MED23: variants seen among roughly 807,000 people sequenced by gnomAD.
The protein encoded by MED23 is mediator of RNA polymerase II transcription subunit 23.
A neutral mutation model predicts 163.9 loss-of-function variants in MED23; 105 were observed. The ratio of observed to expected loss-of-function variants is 0.64; its 90% confidence interval spans 0.55 to 0.75. The LOEUF (loss-of-function observed/expected upper bound fraction) is 0.75. MED23 is among the 30% of genes least tolerant of loss of function. The pLI, the probability that MED23 is intolerant of heterozygous loss-of-function variation, is 0.00. For synonymous variants in MED23, 561 were observed against 565.6 expected, an observed-to-expected ratio of 0.99 and a Z score of 0.12; for missense variants, 1,054 against 1,649.0, an observed-to-expected ratio of 0.64 and a Z score of 6.25.
In MED23 at chr6:131,596,037, T is replaced by C; in HGVS notation, c.2905A>G (p.Ile969Val). Residue 969 changes from isoleucine to valine, a missense_variant, in exon 22 of 29, where the codon ATA becomes GTA. Ile to Val is a conservative substitution (Grantham distance 29). This residue lies in a region of MED23 where 228 missense variants were observed against 461.3 expected (regional missense o/e 0.49). Coordinates refer to ENST00000368068, the MANE Select transcript of MED23 (RefSeq NM_004830.4). ...AACTCTAAAAATCTGTGGATTACTA[T>C]ATCAAATACTGGAAGGAATCGAAGA... ...VCLRFLPVFD[I>V]VIHRFLELLP... The C allele has an allele frequency of 3.1e-6, 5 of 1,613,994 alleles. No individual in the cohort carries two copies. The highest frequency in any genetic ancestry group is 4.2e-6 in the Non-Finnish European group (5 of 1,179,956).
intron 2 of MED23, 28 bp from the exon 3 acceptor site, chr6:131,627,511 T>C (rs369616177): frequency 6.2e-7 from 1 of 1,602,636 alleles, no homozygotes; most frequent in African/African-American, 1.3e-5. Context: ...ACATTATTTG[T>C]CATTCGTTTT....
In MED23 at chr6:131,587,437, A is replaced by G. The variant is rs1032435426; in HGVS notation, c.*242T>C. The G allele has an allele frequency of 1.5e-6, 2 of 1,343,136 alleles. No homozygotes were observed. The highest frequency in any genetic ancestry group is 3.2e-5 in the Admixed American group (1 of 31,036). The allele number at this position is 1,343,136 out of a possible 1,614,324, so 83.2% of individuals were successfully genotyped here. On this transcript the variant is annotated 3_prime_UTR_variant, in exon 29 of 29. Coordinates refer to ENST00000368068, the MANE Select transcript of MED23 (RefSeq NM_004830.4). ...ACCTCTATGTTCCTACATAGCTCTA[A>G]TAAGTTGTTATGAATATGAACAACA... is the stretch of plus-strand genomic sequence containing the variant.
chr6:131,616,945 C>T (rs1776735840), intron 9 of MED23, among the ~76,000 whole-genome samples: 1 of 152,030 alleles, frequency 6.6e-6, no homozygotes, highest in Non-Finnish European at 1.5e-5. Flanking sequence ...CCAATCAATT[C>T]CCTATTTTCC....
At chr6:131,584,367 C>T (rs1382225746), downstream of MED23, 19 of 147,090 alleles carry the variant, frequency 1.3e-4, no homozygotes, top group South Asian at 1.0e-3. Context: ...ACATGCAACA[C>T]ACACACACAC....
In MED23 at chr6:131,599,999, T is replaced by G. The variant is rs370952319; in HGVS notation, c.2220+39A>C. 4.3e-6 allele frequency: 7 copies of G among 1,610,586 alleles called. No homozygotes were observed. In the South Asian group the frequency reaches 7.7e-5, roughly 18 times the overall value. ...ACACCATTGTGAATGGGAAGAAGGA[T>G]TTCATGTGCATTCAATAAGTAATTC... On this transcript the variant is annotated intron_variant, in intron 18 of 28. Transcript: ENST00000368068.
At chr6:131,589,363 G>C in intron 28 of MED23, 102 bp downstream of exon 28, 1 of 1,176,726 alleles carries the variant, frequency 8.5e-7, no homozygotes. Context: ...GAAAAAATTA[G>C]ACAAAATAAA....
downstream of MED23, chr6:131,582,627 G>C: frequency 3.1e-6 from 5 of 1,613,288 alleles, no homozygotes; most frequent in Non-Finnish European, 4.2e-6. Context: ...TTAGATTCCC[G>C]ATGTGCCAGG....
chr6:131,603,150 AGTGT>A lies in MED23; in HGVS notation c.1807_1810del (p.Thr603SerfsTer21). ...CATCCGGTAGCTAAACATCTCAAGG[AGTGT>A]GTGTAAGATCCCCCATGCATGTGAT... On this transcript the variant is annotated frameshift_variant, in exon 16 of 29. Transcript: ENST00000368068. LOFTEE classifies it high-confidence loss of function. The A allele has an allele frequency of 6.2e-7, 1 of 1,613,978 alleles. No individual in the cohort carries two copies.
At chr6:131,610,477 A>T (rs958235697) in intron 10 of MED23, among the ~76,000 whole-genome samples, 1 of 152,220 alleles carries the variant, frequency 6.6e-6, no homozygotes, top group African/African-American at 2.4e-5. Flanking sequence ...ACTTCCCATT[A>T]ACTTTTGACT....
chr6:131,620,566 G>A (rs1777023654), intron 7 of MED23, 62 bp downstream of exon 7: 4 of 1,090,560 alleles, frequency 3.7e-6, no homozygotes, highest in Non-Finnish European at 5.6e-6. Context: ...CTCCCAAAGT[G>A]CTGTGAGCCA....
chr6:131,593,200 G>T (rs1287467750), intron 23 of MED23, 29 bp from the exon 24 acceptor site: 1 of 1,613,548 alleles, frequency 6.2e-7, no homozygotes, highest in Non-Finnish European at 8.5e-7. Flanking sequence ...ATAACAATTG[G>T]ACTATCTCAT....
Position 131,586,997 on chromosome 6 carries a change from T to A in MED23, c.*682A>T. On this transcript the variant is annotated 3_prime_UTR_variant, in exon 29 of 29. Coordinates refer to ENST00000368068, the MANE Select transcript of MED23 (RefSeq NM_004830.4). ...AATTGGAGAATCAACCATTTAAGCA[T>A]GATTTTAAGTTCAAGAATTTTCAGA... The A allele has an allele frequency of 6.8e-7, 1 of 1,462,778 alleles. No individual in the cohort carries two copies. The highest frequency in any genetic ancestry group is 9.0e-7 in the Non-Finnish European group (1 of 1,107,348). 90.6% of individuals were successfully genotyped at this position (1,462,778 alleles called of 1,614,324 possible).
chr6:131,605,592 C>G, intron 13 of MED23, 107 bp from the exon 14 acceptor site: 1 of 1,040,340 alleles, frequency 9.6e-7, no homozygotes, highest in Non-Finnish European at 1.4e-6. Context: ...TTAATGCTAT[C>G]TTTGTTCCTA....
chr6:131,575,470 A>G (rs1355112557), intron 30 of MED23, among the ~76,000 whole-genome samples: 2 of 152,184 alleles, frequency 1.3e-5, no homozygotes, highest in African/African-American at 4.8e-5. Flanking sequence ...AAAAGGGAGT[A>G]AAGAAGCAAA....
At chr6:131,624,741 G>T in intron 4 of MED23, 124 bp downstream of exon 4, 2 of 1,052,842 alleles carry the variant, frequency 1.9e-6, no homozygotes, top group Non-Finnish European at 2.9e-6. Flanking sequence ...TTATATAAAG[G>T]ATTACTTGAT....
At chr6:131,582,940 G>A, downstream of MED23, 1 of 810,302 alleles carries the variant, frequency 1.2e-6, no homozygotes. Flanking sequence ...ACTATATTGA[G>A]TTAGGTTCAT....
intron 9 of MED23, 68 bp from the exon 10 acceptor site, chr6:131,616,070 G>T: frequency 2.3e-6 from 3 of 1,324,780 alleles, no homozygotes; most frequent in Non-Finnish European, 3.2e-6. Context: ...TATTAGAAAT[G>T]AGATTAAAAA....
intron 18 of MED23, among the ~76,000 whole-genome samples, chr6:131,599,263 A>T (rs75719595): frequency 0.011 from 1,750 of 152,290 alleles, 34 homozygotes; most frequent in African/African-American, 0.04. Context: ...GCAGCTTAGC[A>T]AGCCCTCCAG....
chr6:131,616,831 C>G (rs1776727011), intron 9 of MED23, among the ~76,000 whole-genome samples: 1 of 152,030 alleles, frequency 6.6e-6, no homozygotes, highest in Non-Finnish European at 1.5e-5. Context: ...AAGAAACAAA[C>G]AATCAAACAA....
Sources: gnomAD v4.1 joint callset for allele counts (sites outside exome capture counted in the v4.1 genomes callset) on GRCh38, gnomAD v4.1.1 for gene constraint, gnomAD v4.1.1 regional missense constraint, MANE v1.5 for transcripts, NCBI Gene and HGNC (gene_info 2026-07-23, HGNC 2026-07-21) for gene names.